CPLX1: variants seen among roughly 807,000 people sequenced by gnomAD.
CPLX1 encodes the protein complexin-1.
CPLX1 carries 6 observed loss-of-function variants against 15.6 expected under a neutral mutation model. The observed-to-expected ratio is 0.39, with a 90% CI of 0.21 to 0.76. CPLX1 has a LOEUF of 0.76. Ranked by LOEUF, CPLX1 falls within the 30% of genes least tolerant of loss-of-function variation. CPLX1 has a pLI of 0.43. For missense variants in CPLX1, 242 were observed against 188.6 expected (o/e 1.28, Z -1.66); for synonymous variants, 91 against 75.2 (o/e 1.21, Z -1.08).
chr4:804,946 A>C (rs905424314), intron 2 of CPLX1: 5 of 983,298 alleles, frequency 5.1e-6, no homozygotes, highest in Non-Finnish European at 6.0e-6. Context: ...TGCGGAGTTC[A>C]CCCGGCGTCC....
intron 2 of CPLX1, among the ~76,000 whole-genome samples, chr4:822,773 G>A (rs548978667): frequency 2.0e-5 from 3 of 152,188 alleles, no homozygotes; most frequent in Non-Finnish European, 4.4e-5. Context: ...GCAACAATGA[G>A]GCTCGCCGGG....
rs368317220 is a variant in CPLX1 at position 813,493 on chromosome 4, G to A, written c.31+10999C>T. On this transcript the variant is annotated intron_variant, in intron 2 of 3. Transcript: ENST00000304062. ...GTCAGGCGAGTGGGGCAGACATGAG[G>A]GATGGTGAAAGGTCTGTATAAAGGG... Among the ~76,000 whole-genome samples, 186 of 152,118 alleles carry A rather than the reference G, an allele frequency of 1.2e-3. 1 individual carries two copies. The highest frequency in any genetic ancestry group is 4.3e-3 in the African/African-American group (179 of 41,494).
intron 2 of CPLX1, among the ~76,000 whole-genome samples, chr4:792,945 T>C (rs1349592647): frequency 6.6e-6 from 1 of 152,186 alleles, no homozygotes; most frequent in Non-Finnish European, 1.5e-5. Flanking sequence ...GTGTGGCTGT[T>C]GTGGTTGTGT....
At chr4:808,713 C>A (rs924864865) in intron 2 of CPLX1, among the ~76,000 whole-genome samples, 2 of 152,152 alleles carry the variant, frequency 1.3e-5, no homozygotes, top group Non-Finnish European at 2.9e-5. Context: ...ACTAGCCACA[C>A]CCAGACAGGA....
intron 3 of CPLX1, among the ~76,000 whole-genome samples, chr4:789,704 C>G (rs1560236106): frequency 6.6e-6 from 1 of 152,214 alleles, no homozygotes; most frequent in Non-Finnish European, 1.5e-5. Flanking sequence ...GGCTGCCTGA[C>G]AGGAGGTGCA....
At chr4:787,028 AGCCTCCGGCCCG>A in intron 3 of CPLX1, 1 of 985,252 alleles carries the variant, frequency 1.0e-6, no homozygotes, top group Non-Finnish European at 1.2e-6. Flanking sequence ...CCTTCCAGGA[AGCCTCCGGCCCG>A]GGGCAGGGAG....
In CPLX1 at chr4:786,541, TTGA is replaced by T; in HGVS notation, c.362_364del (p.Ile121del). 6.2e-7 allele frequency: 1 copy of T among 1,606,874 alleles called. No homozygotes were observed. The highest frequency in any genetic ancestry group is 8.5e-7 in the Non-Finnish European group (1 of 1,176,870). ...GTCCTGCAGCGGCCCGGGCAGGTAC[TTGA>T]TGACGGTGTCCAGGATGCTCTCGTC... On this transcript the variant is annotated inframe_deletion, in exon 4 of 4. Transcript: ENST00000304062.
At chr4:796,824 T>C (rs930210728) in intron 2 of CPLX1, among the ~76,000 whole-genome samples, 1 of 152,120 alleles carries the variant, frequency 6.6e-6, no homozygotes, top group Admixed American at 6.5e-5. Context: ...AAAGGCCCAT[T>C]TGCCAGGACA....
intron 2 of CPLX1, among the ~76,000 whole-genome samples, chr4:823,435 G>A (rs923610517): frequency 3.3e-5 from 5 of 152,124 alleles, no homozygotes; most frequent in South Asian, 2.1e-4. Flanking sequence ...CTGGCCCCTC[G>A]AACCCGGCCA....
intron 2 of CPLX1, among the ~76,000 whole-genome samples, chr4:806,225 A>C (rs1746553075): frequency 6.6e-6 from 1 of 152,216 alleles, no homozygotes; most frequent in African/African-American, 2.4e-5. Context: ...ATGGAACAGA[A>C]TAGAGAACTC....
At chr4:798,354 G>A (rs1052911964) in intron 2 of CPLX1, among the ~76,000 whole-genome samples, 4 of 150,852 alleles carry the variant, frequency 2.7e-5, no homozygotes, top group African/African-American at 7.3e-5. Flanking sequence ...TACATATATT[G>A]TCAATCGATT....
At position 824,530 on chromosome 4, in the gene CPLX1, G is replaced by A; in HGVS notation, c.-8C>T. The A allele has an allele frequency of 1.2e-6, 2 of 1,612,792 alleles. No homozygotes were observed. Among genetic ancestry groups the A allele is most frequent in the Non-Finnish European group, 1.7e-6 (2 of 1,179,728 alleles). On this transcript the variant is annotated 5_prime_UTR_variant, in exon 2 of 4. Coordinates refer to ENST00000304062, the MANE Select transcript of CPLX1 (RefSeq NM_006651.4). ...CTTCATCACAAACTCCATGGCGATT[G>A]CTCTGCTTCCACAGTGGCTCCTCCA...
At chr4:801,490 G>A (rs570526501) in intron 2 of CPLX1, among the ~76,000 whole-genome samples, 132 of 152,268 alleles carry the variant, frequency 8.7e-4, no homozygotes, top group African/African-American at 3.0e-3. Context: ...ACATGATGTC[G>A]CAGCCATTGT....
rs1401951013 is a variant in CPLX1 at position 785,767 on chromosome 4, G to C, written c.*734C>G. On this transcript the variant is annotated 3_prime_UTR_variant, in exon 4 of 4. Coordinates refer to ENST00000304062, the MANE Select transcript of CPLX1 (RefSeq NM_006651.4). The stretch of plus-strand genomic sequence containing the variant: ...CGAGGGCAGGGGTCCTCCCCAGGGA[G>C]AAGCAGCAGCCGCGTGGGCGGAGAG... 1 of 152,386 alleles carries C rather than the reference G, an allele frequency of 6.6e-6. No individual in the cohort carries two copies. The highest frequency in any genetic ancestry group is 2.4e-5 in the African/African-American group (1 of 41,450). The allele number at this position is 152,386 out of a possible 1,614,324, so 9.4% of individuals were successfully genotyped here. A position where few individuals can be genotyped will look rare whatever the true frequency, so the allele number is the denominator to read the frequency against.
chr4:811,759 G>A (rs1560244896), intron 2 of CPLX1, among the ~76,000 whole-genome samples: 1 of 152,174 alleles, frequency 6.6e-6, no homozygotes, highest in Non-Finnish European at 1.5e-5. Context: ...TGCTGCTCAA[G>A]TCCTGTCTGT....
At chr4:809,248 T>C (rs1746614861) in intron 2 of CPLX1, among the ~76,000 whole-genome samples, 1 of 152,198 alleles carries the variant, frequency 6.6e-6, no homozygotes. Flanking sequence ...TCCTCGCCTA[T>C]AGACAGTGGA....
Position 788,079 on chromosome 4 carries a change from G to A in CPLX1, c.208-1381C>T, listed in dbSNP as rs1355093362. ...CACCAGCACTCTACAGGACGGAGGA[G>A]CACACCGCGGGATCACCAGCCACAG... is the stretch of plus-strand genomic sequence containing the variant. On this transcript the variant is annotated intron_variant, in intron 3 of 3. Coordinates refer to ENST00000304062, the MANE Select transcript of CPLX1 (RefSeq NM_006651.4). The A allele has an allele frequency of 5.1e-6, 5 of 985,330 alleles. No individual in the cohort carries two copies. In the East Asian group the frequency reaches 4.5e-4, roughly 89 times the overall value. The allele number at this position is 985,330 out of a possible 1,614,324, so 61.0% of individuals were successfully genotyped here.
At chr4:787,520 TGA>T (rs1319496888) in intron 3 of CPLX1, 6 of 638,880 alleles carry the variant, frequency 9.4e-6, no homozygotes, top group Non-Finnish European at 1.2e-5. Context: ...TCAAGTCCAG[TGA>T]GAGTGTCCTT....
chr4:811,581 T>C (rs1348955502), intron 2 of CPLX1, among the ~76,000 whole-genome samples: 2 of 152,254 alleles, frequency 1.3e-5, no homozygotes, highest in Non-Finnish European at 2.9e-5. Context: ...AGTTGGAGAA[T>C]ATATTTGCAT....
Sources: allele counts gnomAD v4.1 joint callset (sites outside exome capture counted in the v4.1 genomes callset), GRCh38; gene constraint gnomAD v4.1.1; transcripts MANE v1.5; gene names NCBI Gene and HGNC (gene_info 2026-07-23, HGNC 2026-07-21).